The following LRRC4C variants were observed in gnomAD, a reference collection of about 807,000 sequenced individuals.
LRRC4C encodes leucine-rich repeat-containing protein 4C.
A neutral mutation model predicts 33.6 loss-of-function variants in LRRC4C; 5 were observed. The ratio of observed to expected loss-of-function variants is 0.15; its 90% CI spans 0.08 to 0.31. The LOEUF is 0.31. Ranked by LOEUF, LRRC4C falls within the 10% of genes least tolerant of loss-of-function variation. The pLI is 1.00. For synonymous variants in LRRC4C, 329 were observed against 302.0 expected (o/e 1.09, Z -0.93); for missense variants, 560 against 796.7 (o/e 0.70, Z 3.58).
At chr11:40,167,711 G>T (rs1302009982) in intron 5 of LRRC4C, among the ~76,000 whole-genome samples, 2 of 151,984 alleles carry the variant, frequency 1.3e-5, no homozygotes, top group Non-Finnish European at 2.9e-5. Context: ...ATTAAGGCAG[G>T]GTAGAAAAAG....
chr11:40,984,451 C>A (rs960982981), intron 1 of LRRC4C, among the ~76,000 whole-genome samples: 5 of 151,470 alleles, frequency 3.3e-5, no homozygotes, highest in East Asian at 2.0e-4. Flanking sequence ...GAAAGAAAGA[C>A]AGACAGACAT....
At chr11:41,382,370 AATAAGAGTGAGAAAAATAAATC>A in intron 1 of LRRC4C, among the ~76,000 whole-genome samples, 1 of 152,242 alleles carries the variant, frequency 6.6e-6, no homozygotes, top group Non-Finnish European at 1.5e-5. Flanking sequence ...AGCATTTGAA[AATAAGAGTGAGAAAAATAAATC>A]ATTTTCAGAC....
chr11:41,098,008 C>T (rs909043236), intron 1 of LRRC4C, among the ~76,000 whole-genome samples: 9 of 151,930 alleles, frequency 5.9e-5, no homozygotes, highest in African/African-American at 2.2e-4. Flanking sequence ...AAAAAAAATT[C>T]CTTCCCTGTG....
chr11:40,944,852 T>A, intron 1 of LRRC4C, among the ~76,000 whole-genome samples: 1 of 152,156 alleles, frequency 6.6e-6, no homozygotes. Context: ...GCTAATGCTT[T>A]GCCAATAACA....
intron 1 of LRRC4C, among the ~76,000 whole-genome samples, chr11:41,186,513 G>C (rs116087830): frequency 1.3e-5 from 2 of 152,126 alleles, no homozygotes; most frequent in African/African-American, 2.4e-5. Context: ...TTAGGCACTA[G>C]GTTTCTTTGT....
chr11:40,980,917 G>C (rs1402637047), intron 1 of LRRC4C, among the ~76,000 whole-genome samples: 1 of 152,200 alleles, frequency 6.6e-6, no homozygotes, highest in East Asian at 1.9e-4. Flanking sequence ...GTAATAAACA[G>C]TAACACATAT....
intron 2 of LRRC4C, among the ~76,000 whole-genome samples, chr11:40,658,391 T>C (rs1943244012): frequency 6.6e-6 from 1 of 152,344 alleles, no homozygotes; most frequent in South Asian, 2.1e-4. Flanking sequence ...ATTTCATGGT[T>C]CTGTAACCAT....
chr11:41,309,236 G>A (rs969226546), intron 1 of LRRC4C, among the ~76,000 whole-genome samples: 1 of 152,202 alleles, frequency 6.6e-6, no homozygotes, highest in Non-Finnish European at 1.5e-5. Context: ...GGGTGGGAGT[G>A]CTCTCTGAAG....
intron 6 of LRRC4C, among the ~76,000 whole-genome samples, chr11:40,133,430 A>G (rs1856777689): frequency 6.6e-6 from 1 of 152,202 alleles, no homozygotes; most frequent in Non-Finnish European, 1.5e-5. Flanking sequence ...AATTTCCTAG[A>G]GAGTAACCAA....
chr11:40,122,986 CAT>C (rs1323895541), intron 6 of LRRC4C, among the ~76,000 whole-genome samples: 6,120 of 100,534 alleles, frequency 0.061, 215 homozygotes, highest in African/African-American at 0.13. Flanking sequence ...CACACACACA[CAT>C]ATATACTATT....
chr11:41,279,528 C>A (rs1375094987), intron 1 of LRRC4C, among the ~76,000 whole-genome samples: 2 of 152,042 alleles, frequency 1.3e-5, no homozygotes, highest in Admixed American at 6.6e-5. Context: ...CCTAGGTCAT[C>A]CCTAATGCTA....
intron 4 of LRRC4C, among the ~76,000 whole-genome samples, chr11:40,263,324 G>C (rs777720485): frequency 1.9e-4 from 29 of 151,986 alleles, no homozygotes; most frequent in Middle Eastern, 3.2e-3. Context: ...AAAATTGGTA[G>C]GTTTTTCTTT....
At chr11:40,559,774 G>A (rs1231810238) in intron 3 of LRRC4C, among the ~76,000 whole-genome samples, 2 of 152,048 alleles carry the variant, frequency 1.3e-5, no homozygotes, top group Non-Finnish European at 2.9e-5. Context: ...TGACTGGTAC[G>A]AGTGGTATCT....
chr11:41,077,805 C>T (rs969949076), intron 1 of LRRC4C, among the ~76,000 whole-genome samples: 2 of 152,198 alleles, frequency 1.3e-5, no homozygotes, highest in African/African-American at 4.8e-5. Context: ...TCCACATGGT[C>T]ACACCGCAAA....
chr11:40,485,671 A>G (rs1176376043), intron 3 of LRRC4C, among the ~76,000 whole-genome samples: 1 of 152,092 alleles, frequency 6.6e-6, no homozygotes, highest in East Asian at 1.9e-4. Context: ...ACCCGAAGGA[A>G]TATAAATATT....
At chr11:41,381,828 A>C (rs1953166308) in intron 1 of LRRC4C, among the ~76,000 whole-genome samples, 2 of 151,410 alleles carry the variant, frequency 1.3e-5, no homozygotes, top group African/African-American at 2.4e-5. Flanking sequence ...TATAAATAAA[A>C]CCTTTATCTC....
intron 2 of LRRC4C, among the ~76,000 whole-genome samples, chr11:40,730,195 A>C (rs1947491087): frequency 6.6e-6 from 1 of 152,154 alleles, no homozygotes; most frequent in African/African-American, 2.4e-5. Context: ...TGGCACATGT[A>C]TACATATGTA....
At chr11:40,987,839 G>C (rs1163117042) in intron 1 of LRRC4C, among the ~76,000 whole-genome samples, 4 of 151,748 alleles carry the variant, frequency 2.6e-5, no homozygotes. Flanking sequence ...CACAAAGACA[G>C]ACTTGAAAAA....
At chr11:40,750,585 A>G (rs1366965574) in intron 2 of LRRC4C, among the ~76,000 whole-genome samples, 3 of 145,342 alleles carry the variant, frequency 2.1e-5, no homozygotes, top group Non-Finnish European at 4.5e-5. Flanking sequence ...GTTCTCACTC[A>G]TAGGTGGGAA....
Sources: gnomAD v4.1 joint callset for allele counts (sites outside exome capture counted in the v4.1 genomes callset) on GRCh38, gnomAD v4.1.1 for gene constraint, MANE v1.5 for transcripts, NCBI Gene and HGNC (gene_info 2026-07-23, HGNC 2026-07-21) for gene names.